The following OCA2 variants were observed in gnomAD, a reference collection of about 807,000 sequenced individuals.
The protein encoded by OCA2 is P protein.
OCA2 carries 77 observed loss-of-function variants against 100.2 expected under a neutral mutation model. The observed-to-expected ratio is 0.77, with a 90% CI of 0.64 to 0.93. OCA2 has a LOEUF of 0.93. Among genes scored for constraint, OCA2 ranks in the 40% least tolerant of loss-of-function variants. The pLI is 0.00. For missense variants in OCA2, 1,062 were observed against 1,089.1 expected (o/e 0.98, Z 0.35); for synonymous variants, 432 against 439.2 (o/e 0.98, Z 0.21).
intron 9 of OCA2, among the ~76,000 whole-genome samples, chr15:28,008,650 C>T (rs904072219): frequency 2.0e-5 from 3 of 152,216 alleles, no homozygotes; most frequent in Non-Finnish European, 2.9e-5. Context: ...AAACTACTGG[C>T]GAGTGTGCCC....
chr15:27,852,994 C>A (rs2035815383), intron 21 of OCA2, among the ~76,000 whole-genome samples: 2 of 103,616 alleles, frequency 1.9e-5, no homozygotes, highest in Admixed American at 1.2e-4. Flanking sequence ...ACTAGTTCAA[C>A]CATTGTGGAA....
chr15:27,923,376 G>T (rs2038935513), intron 19 of OCA2, among the ~76,000 whole-genome samples: 1 of 152,134 alleles, frequency 6.6e-6, no homozygotes, highest in Non-Finnish European at 1.5e-5. Context: ...CCAGTAATGG[G>T]ATTTCCTGAG....
At chr15:28,064,559 C>T (rs1424775443) in intron 2 of OCA2, among the ~76,000 whole-genome samples, 2 of 152,092 alleles carry the variant, frequency 1.3e-5, no homozygotes, top group African/African-American at 4.8e-5. Context: ...CTGTTGAATG[C>T]CACTTGTGAG....
intron 9 of OCA2, among the ~76,000 whole-genome samples, chr15:28,009,278 C>T (rs2042171340): frequency 6.6e-6 from 1 of 152,072 alleles, no homozygotes; most frequent in Admixed American, 6.6e-5. Flanking sequence ...CTTAGACTAC[C>T]TATAAAAAAT....
At chr15:27,950,202 C>T (rs1293174012) in intron 18 of OCA2, among the ~76,000 whole-genome samples, 1 of 152,120 alleles carries the variant, frequency 6.6e-6, no homozygotes, top group Non-Finnish European at 1.5e-5. Flanking sequence ...TTTTAAAATG[C>T]CTGCTATGTT....
Position 27,845,658 on chromosome 15 carries a change from C to G in OCA2, c.2339-606G>C, listed in dbSNP as rs187860369. On this transcript the variant is annotated intron_variant, in intron 22 of 23. Transcript: ENST00000354638. ...GCCACTTGGGTCATGAGATCCAACC[C>G]CCCACACACACTCACACCCAGGGAA... 4.5e-3 allele frequency among the ~76,000 whole-genome samples: 690 copies of G among 151,948 alleles called. 7 individuals carry two copies. Among genetic ancestry groups the G allele is most frequent in the African/African-American group, 0.016 (660 of 41,258 alleles).
Position 28,069,863 on chromosome 15 carries a change from A to G in OCA2, c.227+11785T>C, listed in dbSNP as rs1292556548. ...GAGGAGTGTCTCTGCCTGGCCGCCC[A>G]TCGTCTGGGATGTGAGGAGCCCCTC... On this transcript the variant is annotated intron_variant, in intron 2 of 23. Coordinates refer to ENST00000354638, the MANE Select transcript of OCA2 (RefSeq NM_000275.3). Among the ~76,000 whole-genome samples, 91 of 119,694 alleles carry G rather than the reference A, an allele frequency of 7.6e-4. 2 individuals are homozygous for G. The East Asian group carries it at 0.024, about 31-fold the overall frequency. The allele number at this position is 119,694 out of a possible 152,430, so 78.5% of individuals were successfully genotyped here.
chr15:27,828,358 T>C (rs1207203790), intron 23 of OCA2, among the ~76,000 whole-genome samples: 1 of 152,178 alleles, frequency 6.6e-6, no homozygotes, highest in Non-Finnish European at 1.5e-5. Context: ...AGTGCCGGCA[T>C]CCCTAGCTAC....
chr15:27,879,354 C>T lies in OCA2; in HGVS notation c.2080-7432G>A, dbSNP rs969481341. Among the ~76,000 whole-genome samples the T allele has an allele frequency of 4.6e-5, 7 of 152,088 alleles. No individual in the cohort carries two copies. The South Asian group carries it at 1.2e-3, about 27-fold the overall frequency. On this transcript the variant is annotated intron_variant, in intron 19 of 23. Coordinates refer to ENST00000354638, the MANE Select transcript of OCA2 (RefSeq NM_000275.3). ...TCTTTATAGCAGAATGATTTATATT[C>T]CTTTGGGTATATACCCAGCAATGGA...
At chr15:27,767,271 C>T (rs2031339200) in intron 23 of OCA2, among the ~76,000 whole-genome samples, 1 of 152,156 alleles carries the variant, frequency 6.6e-6, no homozygotes, top group Admixed American at 6.5e-5. Context: ...CTAAAGAGTT[C>T]CCTTCTGGGG....
chr15:27,730,307 C>A, the OCA2 span, among the ~76,000 whole-genome samples: 5 of 152,150 alleles, frequency 3.3e-5, no homozygotes, highest in Admixed American at 3.3e-4. Flanking sequence ...AGGAGGGGTG[C>A]ACCGAGCTTC....
At position 27,845,211 on chromosome 15, in the gene OCA2, G is replaced by A. The variant is rs931232289; in HGVS notation, c.2339-159C>T. Among the ~76,000 whole-genome samples the A allele has an allele frequency of 3.3e-5, 5 of 152,118 alleles. No homozygotes were observed. The South Asian group carries it at 8.3e-4, about 25-fold the overall frequency. On this transcript the variant is annotated intron_variant, in intron 22 of 23. Coordinates refer to ENST00000354638, the MANE Select transcript of OCA2 (RefSeq NM_000275.3). ...TAAATATCTGGAAACACACACACAC[G>A]CAAGCAAGCAAAAAATAAGCTCACT...
At chr15:27,890,787 G>A (rs574805224) in intron 19 of OCA2, among the ~76,000 whole-genome samples, 60 of 152,268 alleles carry the variant, frequency 3.9e-4, no homozygotes, top group African/African-American at 1.3e-3. Context: ...CAGCACTTTG[G>A]GAGGCCGAGG....
At chr15:28,087,907 C>T (rs1476375419) in intron 1 of OCA2, among the ~76,000 whole-genome samples, 2 of 151,914 alleles carry the variant, frequency 1.3e-5, no homozygotes, top group Admixed American at 6.6e-5. Context: ...ATTGAAAATA[C>T]AAAAAATAGC....
At chr15:27,845,150 T>C in intron 22 of OCA2, 98 bp from the exon 23 acceptor site, 1 of 925,390 alleles carries the variant, frequency 1.1e-6, no homozygotes, top group Non-Finnish European at 1.7e-6. Context: ...CAGGCTTTGA[T>C]TTGATTATTA....
At chr15:27,799,867 AC>A (rs2033519938) in intron 23 of OCA2, among the ~76,000 whole-genome samples, 1 of 152,194 alleles carries the variant, frequency 6.6e-6, no homozygotes, top group African/African-American at 2.4e-5. Context: ...AAGACCCCAC[AC>A]CAGTAGTGGG....
chr15:28,020,916 T>C (rs879734482), intron 6 of OCA2, among the ~76,000 whole-genome samples: 1 of 152,006 alleles, frequency 6.6e-6, no homozygotes, highest in African/African-American at 2.4e-5. Context: ...CCCTGCTGGG[T>C]AGGTCACTGG....
intron 1 of OCA2, among the ~76,000 whole-genome samples, chr15:28,098,255 C>T (rs887083500): frequency 6.6e-6 from 1 of 152,222 alleles, no homozygotes; most frequent in Non-Finnish European, 1.5e-5. Context: ...TTGCAGTCTA[C>T]TCAGCTCTTT....
At chr15:27,792,215 C>A (rs1329183050) in intron 23 of OCA2, among the ~76,000 whole-genome samples, 3 of 152,190 alleles carry the variant, frequency 2.0e-5, no homozygotes, top group African/African-American at 7.2e-5. Context: ...CCTTTCTTTT[C>A]TTTTCTTTCT....
Sources: gnomAD v4.1 joint callset for allele counts (sites outside exome capture counted in the v4.1 genomes callset) on GRCh38, gnomAD v4.1.1 for gene constraint, MANE v1.5 for transcripts, NCBI Gene and HGNC (gene_info 2026-07-23, HGNC 2026-07-21) for gene names.